The following CLEC2A variants were observed in gnomAD, a reference collection of about 807,000 sequenced individuals.
CLEC2A encodes the protein keratinocyte-associated C-type lectin.
Under a neutral mutation model 18.6 loss-of-function variants are expected in CLEC2A, and 19 were observed. The ratio of observed to expected loss-of-function variants is 1.02; its 90% CI spans 0.71 to 1.50. The LOEUF (loss-of-function observed/expected upper bound fraction) is 1.50. CLEC2A is among the 40% of genes most tolerant of loss of function. The pLI, the probability that CLEC2A is intolerant of heterozygous loss-of-function variation, is 0.00. For missense variants in CLEC2A, 190 were observed against 207.9 expected (o/e 0.91, Z 0.53); for synonymous variants, 74 against 64.0 (o/e 1.16, Z -0.75).
At chr12:9,899,684 C>T (rs921134068) in intron 4 of CLEC2A, among the ~76,000 whole-genome samples, 4 of 152,182 alleles carry the variant, frequency 2.6e-5, no homozygotes, top group Admixed American at 2.0e-4. Flanking sequence ...TAGGAAATGT[C>T]CACTCTAACC....
chr12:9,908,558 G>A (rs1231767420), downstream of CLEC2A, among the ~76,000 whole-genome samples: 1 of 152,064 alleles, frequency 6.6e-6, no homozygotes, highest in East Asian at 1.9e-4. Context: ...TCATATTTGG[G>A]TCCCACCTCT....
the CLEC2A span, among the ~76,000 whole-genome samples, chr12:9,887,500 A>G: frequency 6.6e-6 from 1 of 152,124 alleles, no homozygotes; most frequent in Admixed American, 6.6e-5. Context: ...TCAAGTAAAT[A>G]TTTTTTCCAT....
chr12:9,886,967 G>A, the CLEC2A span, among the ~76,000 whole-genome samples: 1 of 151,986 alleles, frequency 6.6e-6, no homozygotes, highest in East Asian at 1.9e-4. Flanking sequence ...CTTCTGAAAA[G>A]TCATGGTAGC....
chr12:9,924,630 A>G (rs1385879158), intron 2 of CLEC2A, among the ~76,000 whole-genome samples: 1 of 152,216 alleles, frequency 6.6e-6, no homozygotes, highest in Non-Finnish European at 1.5e-5. Flanking sequence ...AACCCATAGA[A>G]CCCAGAGGAA....
chr12:9,896,683 A>G (rs1013862767), downstream of CLEC2A, among the ~76,000 whole-genome samples: 1 of 152,152 alleles, frequency 6.6e-6, no homozygotes, highest in Non-Finnish European at 1.5e-5. Context: ...AAACTGATAT[A>G]CAAAATATTG....
At chr12:9,891,969 C>T in the CLEC2A span, among the ~76,000 whole-genome samples, 1 of 152,098 alleles carries the variant, frequency 6.6e-6, no homozygotes, top group East Asian at 1.9e-4. Flanking sequence ...CAACAATAAG[C>T]ATTTATTATA....
chr12:9,888,476 T>C, the CLEC2A span, among the ~76,000 whole-genome samples: 1 of 150,444 alleles, frequency 6.6e-6, no homozygotes. Flanking sequence ...GGCAACAGAG[T>C]GAGACTCTGT....
chr12:9,890,598 T>C, the CLEC2A span, among the ~76,000 whole-genome samples: 5 of 152,204 alleles, frequency 3.3e-5, no homozygotes, highest in East Asian at 9.6e-4. Flanking sequence ...ACAGGAGTTA[T>C]CTCTCTCTTC....
At chr12:9,901,083 AC>A (rs1249831044) in intron 4 of CLEC2A, among the ~76,000 whole-genome samples, 1 of 152,194 alleles carries the variant, frequency 6.6e-6, no homozygotes, top group Non-Finnish European at 1.5e-5. Flanking sequence ...ACTCTGCAAA[AC>A]AAAACAAGGA....
rs1863271223 is a variant in CLEC2A, at chr12:9,926,303, G to A, written c.96C>T (p.Cys32=). 6.5e-7 allele frequency: 1 copy of A among 1,549,662 alleles called. No homozygotes were observed. Among genetic ancestry groups the A allele is most frequent in the Non-Finnish European group, 8.7e-7 (1 of 1,145,308 alleles). ...LIQNWKIGLM[C]FLSIIITTVC... is the part of the protein sequence containing the mutation. The stretch of plus-strand genomic sequence containing the variant: ...CTGTAGTAATAATAATACTCAGGAA[G>A]CACATAAGGCCAATCTTCCAGTTTT... The change falls in exon 2 of 5, where the codon TGC becomes TGT. Residue 32 remains cysteine, a synonymous_variant. Coordinates refer to ENST00000455827, the MANE Select transcript of CLEC2A (RefSeq NM_001130711.2).
the CLEC2A span, among the ~76,000 whole-genome samples, chr12:9,887,913 G>A: frequency 1.1e-3 from 161 of 151,650 alleles, 2 homozygotes; most frequent in African/African-American, 3.8e-3. Flanking sequence ...AAAATTAGCT[G>A]GGTGTGGAAG....
intron 1 of CLEC2A, among the ~76,000 whole-genome samples, chr12:9,931,539 A>G (rs116162280): frequency 1.9e-3 from 286 of 152,282 alleles, no homozygotes; most frequent in African/African-American, 6.5e-3. Flanking sequence ...CTAGGTAGCT[A>G]CTGAGGTCTC....
At chr12:9,884,128 T>C in the CLEC2A span, among the ~76,000 whole-genome samples, 2 of 152,242 alleles carry the variant, frequency 1.3e-5, no homozygotes, top group East Asian at 3.9e-4. Flanking sequence ...ATACATCCAA[T>C]TTATTCAAAA....
chr12:9,909,803 T>C (rs1862957420), downstream of CLEC2A, among the ~76,000 whole-genome samples: 1 of 146,570 alleles, frequency 6.8e-6, no homozygotes, highest in Non-Finnish European at 1.5e-5. Flanking sequence ...TTGTAAGGGG[T>C]GGGGAACAAT....
the CLEC2A span, among the ~76,000 whole-genome samples, chr12:9,883,060 C>G: frequency 6.6e-6 from 1 of 152,120 alleles, no homozygotes; most frequent in Admixed American, 6.5e-5. Flanking sequence ...AAGGATAGGG[C>G]TGGGAAAATA....
At chr12:9,931,135 T>C (rs1863368889) in intron 1 of CLEC2A, among the ~76,000 whole-genome samples, 1 of 152,150 alleles carries the variant, frequency 6.6e-6, no homozygotes, top group Non-Finnish European at 1.5e-5. Context: ...TCATATTTTG[T>C]CTTCTCGTTA....
rs1046072228 is a variant in CLEC2A at position 9,898,989 on chromosome 12, A to G, written c.411-13T>C. On this transcript the variant is annotated splice_polypyrimidine_tract_variant and intron_variant, in intron 4 of 4. Transcript: ENST00000339766. ...GGAGTTTGATGGCCTGAAAGCAAGA[A>G]CAGACAAACCGGATTATTAGAAAAC... 6 of 712,610 alleles carry G rather than the reference A, an allele frequency of 8.4e-6. No individual in the cohort carries two copies. In the African/African-American group the frequency reaches 1.0e-4, roughly 12 times the overall value. 44.1% of individuals were successfully genotyped at this position (712,610 alleles called of 1,614,324 possible). A position where few individuals can be genotyped will look rare whatever the true frequency, so the allele number is the denominator to read the frequency against.
chr12:9,927,906 A>G (rs979162716), intron 1 of CLEC2A, among the ~76,000 whole-genome samples: 2 of 152,184 alleles, frequency 1.3e-5, no homozygotes, highest in Admixed American at 6.5e-5. Context: ...CACAAATTTC[A>G]GACACCCAAA....
At chr12:9,877,756 C>G in the CLEC2A span, among the ~76,000 whole-genome samples, 10 of 152,154 alleles carry the variant, frequency 6.6e-5, no homozygotes, top group Non-Finnish European at 1.0e-4. Context: ...AGGGGTTTAT[C>G]TGTTTTACTT....
Sources: allele counts gnomAD v4.1 joint callset (sites outside exome capture counted in the v4.1 genomes callset), GRCh38; gene constraint gnomAD v4.1.1; transcripts MANE v1.5; gene names NCBI Gene and HGNC (gene_info 2026-07-23, HGNC 2026-07-21).